Variants in NUBPL observed in about 807,000 individuals in gnomAD.
The protein encoded by NUBPL is NUBP iron-sulfur cluster assembly factor, mitochondrial.
A neutral mutation model predicts 45.7 loss-of-function variants in NUBPL; 31 were observed. The ratio of observed to expected loss-of-function variants is 0.68; its 90% CI spans 0.51 to 0.92. The LOEUF (loss-of-function observed/expected upper bound fraction) is 0.92. Ranked by LOEUF, NUBPL falls within the 40% of genes least tolerant of loss-of-function variation. The pLI is 0.00. For missense variants in NUBPL, 401 were observed against 398.7 expected, an observed-to-expected ratio of 1.01 and a Z score of -0.05; for synonymous variants, 144 against 140.9, an observed-to-expected ratio of 1.02 and a Z score of -0.15.
At chr14:31,676,580 T>G (rs1039747275) in intron 6 of NUBPL, among the ~76,000 whole-genome samples, 1 of 152,032 alleles carries the variant, frequency 6.6e-6, no homozygotes, top group African/African-American at 2.4e-5. Flanking sequence ...TGTTAACATT[T>G]GGTGTTGTCA....
chr14:31,808,905 G>A (rs575199418), intron 7 of NUBPL, among the ~76,000 whole-genome samples: 2 of 152,254 alleles, frequency 1.3e-5, no homozygotes, highest in Non-Finnish European at 2.9e-5. Flanking sequence ...TTCTGTTTAT[G>A]TGATGGATTA....
At chr14:31,769,500 A>G (rs1566552051) in intron 6 of NUBPL, among the ~76,000 whole-genome samples, 1 of 152,160 alleles carries the variant, frequency 6.6e-6, no homozygotes, top group African/African-American at 2.4e-5. Flanking sequence ...GATGGCACTC[A>G]GTGTATATTG....
intron 4 of NUBPL, among the ~76,000 whole-genome samples, chr14:31,619,588 C>T (rs1476847269): frequency 2.0e-5 from 3 of 152,168 alleles, no homozygotes; most frequent in African/African-American, 4.8e-5. Context: ...AAATTCTTTT[C>T]TTTATGAATG....
At chr14:31,662,471 GC>G (rs149200864) in intron 4 of NUBPL, among the ~76,000 whole-genome samples, 2 of 151,538 alleles carry the variant, frequency 1.3e-5, no homozygotes, top group African/African-American at 2.4e-5. Flanking sequence ...CCTTCCCTCT[GC>G]CCCCCACCCA....
chr14:31,567,597 T>A (rs1365389043), intron 3 of NUBPL, among the ~76,000 whole-genome samples: 1 of 151,748 alleles, frequency 6.6e-6, no homozygotes, highest in East Asian at 1.9e-4. Context: ...TTGGAAATTA[T>A]TTTTTTTTCC....
At chr14:31,772,551 T>C (rs1423237910) in intron 6 of NUBPL, among the ~76,000 whole-genome samples, 1 of 152,212 alleles carries the variant, frequency 6.6e-6, no homozygotes, top group African/African-American at 2.4e-5. Flanking sequence ...TACTGTGGAT[T>C]TACATAGCCA....
At chr14:31,581,843 G>A (rs1346229826) in intron 3 of NUBPL, among the ~76,000 whole-genome samples, 3 of 152,154 alleles carry the variant, frequency 2.0e-5, no homozygotes, top group Non-Finnish European at 4.4e-5. Flanking sequence ...TCAGAAGTAA[G>A]AGTAGACTTG....
intron 4 of NUBPL, among the ~76,000 whole-genome samples, chr14:31,644,784 C>T (rs556431604): frequency 1.3e-5 from 2 of 152,192 alleles, no homozygotes; most frequent in Admixed American, 1.3e-4. Context: ...CAGTCTGTCT[C>T]TTCCTTTAGA....
intron 6 of NUBPL, among the ~76,000 whole-genome samples, chr14:31,722,358 T>C (rs1416088453): frequency 5.3e-5 from 8 of 152,198 alleles, no homozygotes; most frequent in African/African-American, 1.9e-4. Context: ...GCATTTAGGT[T>C]GATTCCATGT....
chr14:31,717,058 A>T (rs767333), intron 6 of NUBPL, among the ~76,000 whole-genome samples: 44,483 of 152,064 alleles, frequency 0.29, 7,449 homozygotes, highest in South Asian at 0.41. Context: ...TCATCAAGTT[A>T]CTTTCCTGAT....
Position 31,572,262 on chromosome 14 carries a change from C to T in NUBPL, c.291+7214C>T, listed in dbSNP as rs375476119. On this transcript the variant is annotated intron_variant, in intron 3 of 10. Transcript: ENST00000281081. ...TCACACCATTCCCCTGCCTCAGCCT[C>T]CCGAGTAGCTGGGACTACAGGTACC... Among the ~76,000 whole-genome samples the T allele has an allele frequency of 3.1e-4, 47 of 152,152 alleles. No homozygotes were observed. In the East Asian group the frequency reaches 7.5e-3, roughly 24 times the overall value.
At position 31,846,363 on chromosome 14, in the gene NUBPL, A is replaced by G. The variant is rs150882582; in HGVS notation, c.694-108A>G. 1.1e-4 allele frequency: 95 copies of G among 854,192 alleles called. No individual in the cohort carries two copies. The African/African-American group carries it at 1.5e-3, about 13-fold the overall frequency. 52.9% of individuals were successfully genotyped at this position (854,192 alleles called of 1,614,324 possible). On this transcript the variant is annotated intron_variant, in intron 8 of 10. Coordinates refer to ENST00000281081, the MANE Select transcript of NUBPL (RefSeq NM_025152.3). ...ATAGTTTATTCATCATTGTGATAAC[A>G]TTGATGAGTGCCACTAGAACTCAGT...
At chr14:31,575,993 A>G (rs2033707367) in intron 3 of NUBPL, among the ~76,000 whole-genome samples, 1 of 152,250 alleles carries the variant, frequency 6.6e-6, no homozygotes, top group Non-Finnish European at 1.5e-5. Context: ...TTGAATTCAC[A>G]CATTTCATGT....
rs771470388 is a variant in NUBPL at position 31,562,083 on chromosome 14, A to G, written c.124A>G (p.Ser42Gly). The change falls in exon 2 of 11, where the codon AGT becomes GGT. Residue 42 changes from serine (S) to glycine (G), a missense_variant. Coordinates refer to ENST00000281081, the MANE Select transcript of NUBPL (RefSeq NM_025152.3). ...VCGRQLSGAG[S>G]ETLKQRRTQI... ...TTTTTTAAAGTTGTCTGGCGCCGGG[A>G]GTGAGACCCTAAAACAAAGAAGAAC... 1.9e-6 allele frequency: 3 copies of G among 1,603,952 alleles called. No individual in the cohort carries two copies. Among genetic ancestry groups the G allele is most frequent in the Non-Finnish European group, 2.6e-6 (3 of 1,174,566 alleles).
At position 31,833,725 on chromosome 14, in the gene NUBPL, A is replaced by G. The variant is rs1033904386; in HGVS notation, c.693+7011A>G. Among the ~76,000 whole-genome samples, 5 of 152,174 alleles carry G rather than the reference A, an allele frequency of 3.3e-5. No homozygotes were observed. In the East Asian group the frequency reaches 9.6e-4, roughly 29 times the overall value. ...CTTCAATTGTGACTTCTAAAATTAC[A>G]TTAGGAGCCATCTTCATTCTAGCTA... is the stretch of plus-strand genomic sequence containing the variant. On this transcript the variant is annotated intron_variant, in intron 8 of 10. Coordinates refer to ENST00000281081, the MANE Select transcript of NUBPL (RefSeq NM_025152.3).
chr14:31,592,236 A>G (rs1010933396), intron 3 of NUBPL, among the ~76,000 whole-genome samples: 3 of 152,200 alleles, frequency 2.0e-5, no homozygotes, highest in African/African-American at 7.2e-5. Flanking sequence ...AATAAGGCCA[A>G]TGTGATTTCT....
At chr14:31,619,848 GA>G (rs1212512863) in intron 4 of NUBPL, among the ~76,000 whole-genome samples, 1 of 152,004 alleles carries the variant, frequency 6.6e-6, no homozygotes, top group African/African-American at 2.4e-5. Context: ...TCGGTTGGGG[GA>G]GTTCTCCTGG....
chr14:31,848,003 C>G (rs2040480243), intron 9 of NUBPL, among the ~76,000 whole-genome samples: 1 of 152,062 alleles, frequency 6.6e-6, no homozygotes, highest in Admixed American at 6.5e-5. Flanking sequence ...TTGTAATTTC[C>G]TAACTTACAA....
chr14:31,635,418 C>T (rs1436520181), intron 4 of NUBPL, among the ~76,000 whole-genome samples: 1 of 151,926 alleles, frequency 6.6e-6, no homozygotes, highest in Non-Finnish European at 1.5e-5. Context: ...GACGTTATTT[C>T]TGAGGGCTCT....
Sources: allele counts gnomAD v4.1 joint callset (sites outside exome capture counted in the v4.1 genomes callset), GRCh38; gene constraint gnomAD v4.1.1; transcripts MANE v1.5; gene names NCBI Gene and HGNC (gene_info 2026-07-23, HGNC 2026-07-21).